Variants in KIF6 observed in about 807,000 individuals in gnomAD.
The protein encoded by KIF6 is kinesin-like protein KIF6.
In KIF6, 106 loss-of-function variants were observed where a neutral mutation model predicts 112.7. That is an observed-to-expected ratio of 0.94 (90% confidence interval 0.80 to 1.11). The LOEUF (loss-of-function observed/expected upper bound fraction) is 1.11. Among genes scored for constraint, KIF6 ranks in the 50% least tolerant of loss-of-function variants. The probability of loss-of-function intolerance (pLI) is 0.00; values close to 1 mark genes in which losing one functional copy is unlikely to be tolerated. For synonymous variants in KIF6, 339 were observed against 339.9 expected (o/e 1.00, Z 0.03); for missense variants, 929 against 964.0 (o/e 0.96, Z 0.48).
intron 5 of KIF6, among the ~76,000 whole-genome samples, chr6:39,625,045 T>G (rs1226810837): frequency 7.5e-5 from 11 of 147,036 alleles, no homozygotes; most frequent in Non-Finnish European, 1.5e-5. Flanking sequence ...GCTCTCTCTC[T>G]CTTTCTCTCC....
intron 6 of KIF6, among the ~76,000 whole-genome samples, chr6:39,598,051 G>A (rs1477978314): frequency 6.6e-6 from 1 of 152,054 alleles, no homozygotes; most frequent in Non-Finnish European, 1.5e-5. Context: ...ACCAGGATTG[G>A]TGGGGCATGC....
chr6:39,591,872 G>A (rs768090886), intron 7 of KIF6, among the ~76,000 whole-genome samples: 5 of 152,126 alleles, frequency 3.3e-5, no homozygotes, highest in African/African-American at 1.2e-4. Context: ...CAGCACTTTG[G>A]GAGGCTGAGG....
intron 3 of KIF6, among the ~76,000 whole-genome samples, chr6:39,701,346 G>A (rs1788865758): frequency 2.0e-5 from 3 of 152,166 alleles, no homozygotes; most frequent in Admixed American, 2.0e-4. Flanking sequence ...CCACCAATCT[G>A]GGTCCAGGTT....
At chr6:39,683,999 C>T (rs1406982261) in intron 3 of KIF6, among the ~76,000 whole-genome samples, 2 of 152,172 alleles carry the variant, frequency 1.3e-5, no homozygotes, top group African/African-American at 4.8e-5. Flanking sequence ...AGAAGATTCT[C>T]ATGTAATGAA....
At chr6:39,681,529 T>C (rs1787512330) in intron 3 of KIF6, among the ~76,000 whole-genome samples, 1 of 152,188 alleles carries the variant, frequency 6.6e-6, no homozygotes. Flanking sequence ...GCCTTTTAAT[T>C]TTTTTCTCTT....
At chr6:39,509,340 C>T (rs943954226) in intron 13 of KIF6, among the ~76,000 whole-genome samples, 2 of 152,230 alleles carry the variant, frequency 1.3e-5, no homozygotes, top group African/African-American at 4.8e-5. Flanking sequence ...AGGAACACAA[C>T]TCCTCTCCAG....
intron 13 of KIF6, among the ~76,000 whole-genome samples, chr6:39,449,507 C>G (rs1772548225): frequency 6.6e-6 from 1 of 152,226 alleles, no homozygotes; most frequent in African/African-American, 2.4e-5. Flanking sequence ...TGATTATCAA[C>G]TCACTATTCA....
At chr6:39,380,955 A>G (rs928526009) in intron 16 of KIF6, among the ~76,000 whole-genome samples, 2 of 152,352 alleles carry the variant, frequency 1.3e-5, no homozygotes, top group African/African-American at 2.4e-5. Context: ...ATCTTTGTTT[A>G]AAAACGGCTC....
At chr6:39,594,443 A>C (rs946409435) in intron 7 of KIF6, among the ~76,000 whole-genome samples, 10 of 152,224 alleles carry the variant, frequency 6.6e-5, no homozygotes, top group Non-Finnish European at 1.5e-4. Context: ...TTAAGTAAAA[A>C]GCTCTGTTAA....
chr6:39,661,214 A>C (rs975284297), intron 3 of KIF6, among the ~76,000 whole-genome samples: 3 of 152,136 alleles, frequency 2.0e-5, no homozygotes, highest in South Asian at 4.1e-4. Context: ...GATAATAATA[A>C]TTTTTTAAAT....
chr6:39,412,449 T>G (rs1281935025), intron 15 of KIF6, among the ~76,000 whole-genome samples: 3 of 152,238 alleles, frequency 2.0e-5, no homozygotes, highest in Non-Finnish European at 4.4e-5. Flanking sequence ...AATAACCTTC[T>G]TGTCAAAATG....
intron 10 of KIF6, among the ~76,000 whole-genome samples, chr6:39,557,649 C>A (rs1406427728): frequency 6.6e-6 from 1 of 151,972 alleles, no homozygotes; most frequent in Admixed American, 6.6e-5. Flanking sequence ...ACAGAGACAA[C>A]CAACAAAATT....
At chr6:39,705,110 G>T (rs939940934) in intron 3 of KIF6, among the ~76,000 whole-genome samples, 3 of 152,158 alleles carry the variant, frequency 2.0e-5, no homozygotes, top group African/African-American at 7.2e-5. Flanking sequence ...AATACCACTG[G>T]TATCATCTGT....
chr6:39,514,471 G>C (rs966331445), intron 13 of KIF6, among the ~76,000 whole-genome samples: 1 of 152,170 alleles, frequency 6.6e-6, no homozygotes, highest in Admixed American at 6.5e-5. Context: ...TTAATGTAGG[G>C]CACAGAATTG....
At chr6:39,355,279 T>C (rs1764556959) in intron 19 of KIF6, among the ~76,000 whole-genome samples, 1 of 152,102 alleles carries the variant, frequency 6.6e-6, no homozygotes, top group African/African-American at 2.4e-5. Context: ...TATATATGTA[T>C]CTATATACAT....
At position 39,419,974 on chromosome 6, in the gene KIF6, CT is replaced by C. The variant is rs1165003861; in HGVS notation, c.1783del (p.Ser595ValfsTer2). On this transcript the variant is annotated frameshift_variant, in exon 15 of 23. Coordinates refer to ENST00000287152, the MANE Select transcript of KIF6 (RefSeq NM_145027.6). LOFTEE classifies it high-confidence loss of function. ...RFSEAKALGE[S>X]INEARSKIGH... The stretch of plus-strand genomic sequence containing the variant: ...AATTTTACTTCTTGCTTCATTTATA[CT>C]TTCTCCCAGGGCCTTGGCTTCAGAA... The C allele has an allele frequency of 6.2e-7, 1 of 1,613,678 alleles. No individual in the cohort carries two copies. Among genetic ancestry groups the C allele is most frequent in the Middle Eastern group, 1.6e-4 (1 of 6,062 alleles).
At chr6:39,452,603 T>A (rs1581888722) in intron 13 of KIF6, among the ~76,000 whole-genome samples, 1 of 152,212 alleles carries the variant, frequency 6.6e-6, no homozygotes, top group East Asian at 1.9e-4. Context: ...CAAAAGTGAC[T>A]CATTTTAAGC....
At chr6:39,519,719 A>AAACAAAACAAAACAAAACAAAACAC in intron 13 of KIF6, among the ~76,000 whole-genome samples, 1 of 151,908 alleles carries the variant, frequency 6.6e-6, no homozygotes, top group Non-Finnish European at 1.5e-5. Context: ...AAACAAAACA[A>AAACAAAACAAAACAAAACAAAACAC]AACAAAACAA....
At chr6:39,632,565 T>G (rs760883647) in intron 5 of KIF6, among the ~76,000 whole-genome samples, 1 of 151,536 alleles carries the variant, frequency 6.6e-6, no homozygotes, top group Non-Finnish European at 1.5e-5. Flanking sequence ...ATAGCACATA[T>G]GCTTAATCAA....
Sources: allele counts gnomAD v4.1 joint callset (sites outside exome capture counted in the v4.1 genomes callset), GRCh38; gene constraint gnomAD v4.1.1; transcripts MANE v1.5; gene names NCBI Gene and HGNC (gene_info 2026-07-23, HGNC 2026-07-21).